Variants in CSGALNACT2 observed in about 807,000 individuals in gnomAD.
CSGALNACT2 encodes beta 4 GalNAcT-2.
Under a neutral mutation model 55.3 loss-of-function variants are expected in CSGALNACT2, and 35 were observed. The ratio of observed to expected loss-of-function variants is 0.63; its 90% CI spans 0.48 to 0.84. The LOEUF is 0.84. CSGALNACT2 is among the 40% of genes least tolerant of loss of function. The pLI is 0.00. For missense variants in CSGALNACT2, 544 were observed against 657.5 expected (o/e 0.83, Z 1.89); for synonymous variants, 196 against 224.9 (o/e 0.87, Z 1.15).
intron 1 of CSGALNACT2, among the ~76,000 whole-genome samples, chr10:43,152,042 T>C (rs1838886316): frequency 6.6e-6 from 1 of 152,210 alleles, no homozygotes; most frequent in Non-Finnish European, 1.5e-5. Flanking sequence ...AGAGTTAGAA[T>C]TGATGGCTTG....
At chr10:43,156,150 A>T (rs1019730358) in intron 2 of CSGALNACT2, among the ~76,000 whole-genome samples, 3 of 152,206 alleles carry the variant, frequency 2.0e-5, no homozygotes, top group East Asian at 1.9e-4. Context: ...TTATGTTTTT[A>T]AAAAATGTGT....
At chr10:43,168,726 T>C (rs1010283131) in intron 6 of CSGALNACT2, among the ~76,000 whole-genome samples, 1 of 151,376 alleles carries the variant, frequency 6.6e-6, no homozygotes, top group African/African-American at 2.4e-5. Flanking sequence ...ACCTTATCTA[T>C]AGGCCAGTAT....
intron 1 of CSGALNACT2, among the ~76,000 whole-genome samples, chr10:43,142,392 CG>C (rs1327719817): frequency 6.6e-6 from 1 of 151,860 alleles, no homozygotes; most frequent in African/African-American, 2.4e-5. Flanking sequence ...TTAGTAGAGA[CG>C]GGGTTTCACC....
chr10:43,172,002 C>T (rs528271413), intron 6 of CSGALNACT2, among the ~76,000 whole-genome samples: 17 of 152,286 alleles, frequency 1.1e-4, no homozygotes, highest in Admixed American at 8.5e-4. Context: ...TTTTAAAAAG[C>T]AAAGCCATGT....
At chr10:43,143,240 A>G (rs1452126809) in intron 1 of CSGALNACT2, among the ~76,000 whole-genome samples, 4 of 152,246 alleles carry the variant, frequency 2.6e-5, no homozygotes, top group African/African-American at 9.6e-5. Context: ...ACATCAGCAC[A>G]TAAAGATGTA....
intron 1 of CSGALNACT2, among the ~76,000 whole-genome samples, chr10:43,146,001 C>CT (rs1838739157): frequency 6.6e-6 from 1 of 152,046 alleles, no homozygotes; most frequent in African/African-American, 2.4e-5. Context: ...GACTCTCTCT[C>CT]TAAAAAAAGA....
intron 7 of CSGALNACT2, among the ~76,000 whole-genome samples, chr10:43,176,706 A>T (rs539216563): frequency 6.6e-6 from 1 of 152,308 alleles, no homozygotes; most frequent in African/African-American, 2.4e-5. Flanking sequence ...CTGTGACCAC[A>T]GGCGTGCACC....
chr10:43,183,461 G>A lies in CSGALNACT2; in HGVS notation c.1548G>A (p.Leu516=), dbSNP rs781012289. 5.6e-6 allele frequency: 9 copies of A among 1,614,118 alleles called. No homozygotes were observed. Among genetic ancestry groups the A allele is most frequent in the Non-Finnish European group, 6.8e-6 (8 of 1,179,996 alleles). ...KAMNEASHSH[L]GMLVFREEIE... ...TGAATGAGGCCTCTCACTCCCACCTGGGAATGCTGGTCTTCAGGGAGGAAA... is the reference window on the plus strand; with the variant it reads ...TGAATGAGGCCTCTCACTCCCACCTAGGAATGCTGGTCTTCAGGGAGGAAA... Residue 516 remains leucine, a synonymous_variant, in exon 8 of 8, where the codon CTG becomes CTA. Transcript: ENST00000374466.
intron 7 of CSGALNACT2, 138 bp from the exon 8 acceptor site, chr10:43,183,112 C>G (rs1455548622): frequency 2.9e-6 from 2 of 682,216 alleles, no homozygotes; most frequent in South Asian, 1.9e-5. Context: ...AGTCACTCCT[C>G]CATGCCAGGT....
intron 5 of CSGALNACT2, among the ~76,000 whole-genome samples, chr10:43,164,713 G>A (rs1164059488): frequency 1.3e-5 from 2 of 151,624 alleles, no homozygotes; most frequent in Non-Finnish European, 2.9e-5. Context: ...TGGGCATGGT[G>A]GCGTACGCCT....
At position 43,167,410 on chromosome 10, in the gene CSGALNACT2, T is replaced by C. The variant is rs549724087; in HGVS notation, c.1254+312T>C. 3.3e-5 allele frequency among the ~76,000 whole-genome samples: 5 copies of C among 149,474 alleles called. No homozygotes were observed. In the South Asian group the frequency reaches 1.0e-3, roughly 31 times the overall value. ...GCTTATTTTTACTAATACTAAAAATTTGATTTTAAAAACCCTACTAACTAG... is the reference window on the plus strand; with the variant it reads ...GCTTATTTTTACTAATACTAAAAATCTGATTTTAAAAACCCTACTAACTAG... On this transcript the variant is annotated intron_variant, in intron 6 of 7. Coordinates refer to ENST00000374466, the MANE Select transcript of CSGALNACT2 (RefSeq NM_018590.5).
chr10:43,139,630 T>G (rs1379694320), intron 1 of CSGALNACT2, among the ~76,000 whole-genome samples: 7 of 152,250 alleles, frequency 4.6e-5, no homozygotes, highest in Admixed American at 4.6e-4. Flanking sequence ...ATTTCCATCA[T>G]CCTATTTTCC....
At chr10:43,146,963 C>CTTTTTT (rs869040617) in intron 1 of CSGALNACT2, among the ~76,000 whole-genome samples, 8 of 87,916 alleles carry the variant, frequency 9.1e-5, no homozygotes, top group African/African-American at 1.3e-4. Context: ...TGTTGAGCAT[C>CTTTTTT]TTTTTTTTTT....
At chr10:43,164,593 A>G (rs1839219829) in intron 5 of CSGALNACT2, among the ~76,000 whole-genome samples, 2 of 152,246 alleles carry the variant, frequency 1.3e-5, no homozygotes. Flanking sequence ...TCACGCCTAT[A>G]ATCTCAGTAC....
Position 43,185,089 on chromosome 10 carries a change from A to G in CSGALNACT2, c.*1547A>G, listed in dbSNP as rs545709811. 1.6e-3 allele frequency: 251 copies of G among 152,188 alleles called. 1 individual carries two copies. Among genetic ancestry groups the G allele is most frequent in the African/African-American group, 5.5e-3 (228 of 41,568 alleles). The allele number at this position is 152,188 out of a possible 1,614,324, so 9.4% of individuals were successfully genotyped here. A position where few individuals can be genotyped will look rare whatever the true frequency, so the allele number is the denominator to read the frequency against. On this transcript the variant is annotated 3_prime_UTR_variant, in exon 8 of 8. Coordinates refer to ENST00000374466, the MANE Select transcript of CSGALNACT2 (RefSeq NM_018590.5). ...ATTATTATAATTATTTATTATGAAG[A>G]CCAGTGAATTACGATATTTAAAGTG...
At chr10:43,161,476 C>T (rs1839147702) in intron 4 of CSGALNACT2, among the ~76,000 whole-genome samples, 1 of 152,182 alleles carries the variant, frequency 6.6e-6, no homozygotes, top group African/African-American at 2.4e-5. Context: ...TTTGATCAGC[C>T]ATTCTTCTCA....
Position 43,183,280 on chromosome 10 carries a change from G to A in CSGALNACT2, c.1367G>A (p.Gly456Asp). The A allele has an allele frequency of 6.2e-7, 1 of 1,613,640 alleles. No individual in the cohort carries two copies. Among genetic ancestry groups the A allele is most frequent in the East Asian group, 2.2e-5 (1 of 44,888 alleles). ...GGFDMEVKGW[G>D]GEDVHLYRKY... ...TTTGACATGGAAGTGAAAGGTTGGG[G>A]TGGAGAAGATGTTCATCTTTATCGA... Residue 456 changes from glycine (G) to aspartate (D), a missense_variant, in exon 8 of 8, where the codon GGT becomes GAT. Physicochemically the swap from Gly to Asp is moderately conservative, Grantham distance 94 (BLOSUM62 -1). This residue lies in a region of CSGALNACT2 where 170 missense variants were observed against 256.2 expected (regional missense o/e 0.66). Coordinates refer to ENST00000374466, the MANE Select transcript of CSGALNACT2 (RefSeq NM_018590.5).
At chr10:43,161,751 T>A (rs577603820) in intron 4 of CSGALNACT2, among the ~76,000 whole-genome samples, 1 of 152,336 alleles carries the variant, frequency 6.6e-6, no homozygotes, top group Admixed American at 6.5e-5. Context: ...AGAGCCACAG[T>A]CTTTTACTTA....
intron 6 of CSGALNACT2, among the ~76,000 whole-genome samples, chr10:43,171,883 GA>G (rs1032926128): frequency 2.6e-5 from 4 of 152,022 alleles, no homozygotes; most frequent in African/African-American, 7.2e-5. Context: ...AAATAAGAAG[GA>G]AAAAAATGGG....
Sources: allele counts gnomAD v4.1 joint callset (sites outside exome capture counted in the v4.1 genomes callset), GRCh38; gene constraint gnomAD v4.1.1; regional missense constraint gnomAD v4.1.1; transcripts MANE v1.5; gene names NCBI Gene and HGNC (gene_info 2026-07-23, HGNC 2026-07-21).